KLRG1: variants seen among roughly 807,000 people sequenced by gnomAD.
KLRG1 encodes killer cell lectin like receptor G1, also known as killer cell lectin-like receptor subfamily G member 1.
In KLRG1, 16 loss-of-function variants were observed where a neutral mutation model predicts 21.8. The observed-to-expected ratio is 0.73, with a 90% CI of 0.50 to 1.11. KLRG1 has a LOEUF of 1.11. KLRG1 is among the 50% of genes most tolerant of loss of function. The pLI is 0.00. For missense variants in KLRG1, 173 were observed against 218.3 expected (o/e 0.79, Z 1.31); for synonymous variants, 69 against 75.9 (o/e 0.91, Z 0.47).
the KLRG1 span, among the ~76,000 whole-genome samples, chr12:9,214,107 T>C: frequency 6.6e-6 from 1 of 152,050 alleles, no homozygotes; most frequent in Admixed American, 6.5e-5. Context: ...CCATTAAATG[T>C]TCTTGGCACC....
At chr12:8,988,227 A>T (rs1384223591), upstream of KLRG1, 2 of 152,166 alleles carry the variant, frequency 1.3e-5, no homozygotes, top group African/African-American at 4.8e-5. Context: ...TTTTAGTAAG[A>T]CTGCTGTTCT....
intron 1 of KLRG1, among the ~76,000 whole-genome samples, chr12:8,981,030 G>A (rs1051099049): frequency 2.0e-5 from 3 of 152,170 alleles, no homozygotes; most frequent in Non-Finnish European, 2.9e-5. Flanking sequence ...CTGTTTCACT[G>A]AGTTGCAGCA....
chr12:8,996,769 C>T (rs1156604044), intron 3 of KLRG1, among the ~76,000 whole-genome samples: 1 of 152,112 alleles, frequency 6.6e-6, no homozygotes, highest in East Asian at 1.9e-4. Flanking sequence ...TTATGGCCTC[C>T]AGCAATATAG....
chr12:9,074,492 T>G, the KLRG1 span: 1 of 1,443,932 alleles, frequency 6.9e-7, no homozygotes, highest in Non-Finnish European at 9.5e-7. Context: ...TTGGATGTGT[T>G]TGTTTCTTTT....
chr12:8,971,040 A>T (rs1946558466), intron 1 of KLRG1: 1 of 152,086 alleles, frequency 6.6e-6, no homozygotes, highest in Non-Finnish European at 1.5e-5. Context: ...TTGAAGGCGG[A>T]GCGTCTGTAA....
the KLRG1 span, chr12:9,164,305 A>G: frequency 6.3e-7 from 1 of 1,584,444 alleles, no homozygotes; most frequent in Non-Finnish European, 8.6e-7. Context: ...AGAATATGGA[A>G]CGACACGAAC....
At chr12:9,089,952 C>T in the KLRG1 span, 6 of 1,612,648 alleles carry the variant, frequency 3.7e-6, no homozygotes, top group Non-Finnish European at 5.1e-6. Flanking sequence ...TGTTCAGGAA[C>T]TGAAGGCACC....
chr12:9,185,362 AC>A, the KLRG1 span, among the ~76,000 whole-genome samples: 2 of 152,234 alleles, frequency 1.3e-5, no homozygotes, highest in Non-Finnish European at 2.9e-5. Flanking sequence ...CTGCAATACA[AC>A]AGTCAGACAA....
At chr12:9,057,435 A>G in the KLRG1 span, among the ~76,000 whole-genome samples, 2 of 152,206 alleles carry the variant, frequency 1.3e-5, no homozygotes, top group African/African-American at 2.4e-5. Flanking sequence ...GGTGATGGCT[A>G]CACTCAAAGC....
the KLRG1 span, chr12:9,095,848 T>C: frequency 1.1e-5 from 7 of 612,800 alleles, no homozygotes; most frequent in East Asian, 3.5e-5. Flanking sequence ...CAAGCTCCGC[T>C]TCCCGGGTTC....
At chr12:9,068,891 T>G in the KLRG1 span, 1 of 1,370,692 alleles carries the variant, frequency 7.3e-7, no homozygotes, top group African/African-American at 1.4e-5. Flanking sequence ...CTTTCTTCTC[T>G]CTTTGAATTA....
chr12:9,192,861 A>G, the KLRG1 span: 1 of 606,158 alleles, frequency 1.6e-6, no homozygotes, highest in Non-Finnish European at 2.9e-6. Flanking sequence ...TCTCCCTCAT[A>G]CTGGTCGACA....
chr12:9,090,916 A>G, the KLRG1 span, among the ~76,000 whole-genome samples: 1 of 152,338 alleles, frequency 6.6e-6, no homozygotes, highest in East Asian at 1.9e-4. Context: ...GAGATCGTAG[A>G]GGTTGAAACC....
intron 1 of KLRG1, among the ~76,000 whole-genome samples, chr12:8,964,395 G>C (rs1352988049): frequency 6.6e-6 from 1 of 152,196 alleles, no homozygotes; most frequent in Non-Finnish European, 1.5e-5. Context: ...ACTGTGGTCT[G>C]AGAGACAGTT....
chr12:9,162,994 T>A, the KLRG1 span, among the ~76,000 whole-genome samples: 1 of 152,212 alleles, frequency 6.6e-6, no homozygotes, highest in Non-Finnish European at 1.5e-5. Flanking sequence ...TGTGTTTGCA[T>A]CATTCAGCTC....
the KLRG1 span, among the ~76,000 whole-genome samples, chr12:9,116,657 T>C: frequency 7.2e-5 from 11 of 152,342 alleles, no homozygotes; most frequent in East Asian, 2.1e-3. Flanking sequence ...AATGATTTCA[T>C]TAATCCATCC....
chr12:9,199,439 G>C, the KLRG1 span, among the ~76,000 whole-genome samples: 1 of 152,042 alleles, frequency 6.6e-6, no homozygotes, highest in African/African-American at 2.4e-5. Context: ...ATTATTTCAG[G>C]TTATTAAACA....
At chr12:9,145,395 A>C in the KLRG1 span, among the ~76,000 whole-genome samples, 7 of 152,318 alleles carry the variant, frequency 4.6e-5, no homozygotes, top group African/African-American at 1.4e-4. Context: ...TAGTTATAGC[A>C]GTCTGTTTTA....
intron 2 of KLRG1, among the ~76,000 whole-genome samples, chr12:8,994,425 CG>C (rs1565547412): frequency 6.6e-6 from 1 of 152,094 alleles, no homozygotes; most frequent in African/African-American, 2.4e-5. Context: ...GTGGATCTTC[CG>C]TATTTAAAAG....
Sources: gnomAD v4.1 joint callset for allele counts (sites outside exome capture counted in the v4.1 genomes callset) on GRCh38, gnomAD v4.1.1 for gene constraint, MANE v1.5 for transcripts, NCBI Gene and HGNC (gene_info 2026-07-23, HGNC 2026-07-21) for gene names.